LDHC: variants seen among roughly 807,000 people sequenced by gnomAD.
The protein encoded by LDHC is lactate dehydrogenase C.
LDHC carries 20 observed loss-of-function variants against 30.2 expected under a neutral mutation model. That is an observed-to-expected ratio of 0.66 (90% CI 0.47 to 0.96). The LOEUF is 0.96. Ranked by LOEUF, LDHC falls within the 40% of genes least tolerant of loss-of-function variation. The probability of loss-of-function intolerance (pLI) is 0.00; values close to 1 mark genes in which losing one functional copy is unlikely to be tolerated. For synonymous variants in LDHC, 139 were observed against 132.7 expected (o/e 1.05, Z -0.32); for missense variants, 362 against 394.9 (o/e 0.92, Z 0.71).
At chr11:18,420,131 A>G (rs549509958) in intron 3 of LDHC, among the ~76,000 whole-genome samples, 77 of 147,586 alleles carry the variant, frequency 5.2e-4, no homozygotes, top group Non-Finnish European at 9.9e-4. Context: ...CTATGGATAC[A>G]ATGATAGATT....
chr11:18,439,822 A>C (rs189070244), intron 6 of LDHC, among the ~76,000 whole-genome samples: 2,271 of 143,202 alleles, frequency 0.016, 60 homozygotes, highest in African/African-American at 0.056. Flanking sequence ...AAAAAAAAAA[A>C]AAAAAAAAAA....
chr11:18,415,045 A>G (rs1866981942), intron 2 of LDHC, 139 bp from the exon 3 acceptor site: 1 of 521,524 alleles, frequency 1.9e-6, no homozygotes, highest in African/African-American at 1.9e-5. Context: ...ACCCAGGCTC[A>G]TTGAAAAACT....
chr11:18,420,267 A>G (rs1867096366), intron 3 of LDHC, among the ~76,000 whole-genome samples: 1 of 152,198 alleles, frequency 6.6e-6, no homozygotes, highest in Admixed American at 6.5e-5. Flanking sequence ...ATGATTCAGC[A>G]TTTTTGAAGA....
intron 7 of LDHC, among the ~76,000 whole-genome samples, chr11:18,447,767 G>A (rs1014240716): frequency 1.3e-5 from 2 of 151,896 alleles, no homozygotes; most frequent in Admixed American, 6.6e-5. Context: ...TTGGAAGAAC[G>A]GGGCAGGTGC....
chr11:18,434,378 G>A (rs550231837), intron 4 of LDHC, among the ~76,000 whole-genome samples: 2 of 152,182 alleles, frequency 1.3e-5, no homozygotes, highest in South Asian at 2.1e-4. Context: ...GGGGGGTGTT[G>A]ACGAGCCTTC....
chr11:18,435,627 A>G (rs1446042406), intron 5 of LDHC, among the ~76,000 whole-genome samples: 1 of 152,186 alleles, frequency 6.6e-6, no homozygotes, highest in African/African-American at 2.4e-5. Context: ...ATGGACTAAT[A>G]CAATTCATGT....
At chr11:18,439,811 TA>T (rs71047596) in intron 6 of LDHC, among the ~76,000 whole-genome samples, 97 of 64,204 alleles carry the variant, frequency 1.5e-3, no homozygotes, top group African/African-American at 3.8e-3. Flanking sequence ...CCGTCTCTAC[TA>T]AAAAAAAAAA....
At chr11:18,416,767 C>T (rs1417617230) in intron 3 of LDHC, among the ~76,000 whole-genome samples, 1 of 150,828 alleles carries the variant, frequency 6.6e-6, no homozygotes, top group East Asian at 1.9e-4. Context: ...CTCCTTTCCT[C>T]CTCTTCCCCT....
chr11:18,439,141 G>T (rs775681105), intron 6 of LDHC, among the ~76,000 whole-genome samples: 2 of 152,150 alleles, frequency 1.3e-5, no homozygotes, highest in Admixed American at 6.5e-5. Context: ...TAATGCAGAT[G>T]ATCAGAAATC....
intron 7 of LDHC, among the ~76,000 whole-genome samples, chr11:18,449,232 T>G (rs1172032356): frequency 6.7e-6 from 1 of 150,010 alleles, no homozygotes; most frequent in Non-Finnish European, 1.5e-5. Context: ...AGAGAGGGAG[T>G]TGGAGACCAA....
Position 18,429,865 on chromosome 11 carries a change from G to T in LDHC, c.373G>T (p.Val125Phe). ...AIMKSIIPAI[V>F]HYSPDCKILV... Reference sequence around the variant, plus strand: ...AATGAAATCAATCATTCCTGCCATAGTCCATTATAGTCCTGATTGTAAAAT... The same window carrying T: ...AATGAAATCAATCATTCCTGCCATATTCCATTATAGTCCTGATTGTAAAAT... Residue 125 changes from valine (V) to phenylalanine (F), a missense_variant, in exon 4 of 8, where the codon GTC becomes TTC. Val to Phe is a conservative substitution (Grantham distance 50). Transcript: ENST00000541669. The T allele has an allele frequency of 6.2e-7, 1 of 1,611,758 alleles. No individual in the cohort carries two copies. The highest frequency in any genetic ancestry group is 8.5e-7 in the Non-Finnish European group (1 of 1,178,278).
chr11:18,445,433 G>A (rs1326536033), intron 6 of LDHC, among the ~76,000 whole-genome samples: 2 of 152,180 alleles, frequency 1.3e-5, no homozygotes, highest in South Asian at 2.1e-4. Flanking sequence ...TTCTGACCTC[G>A]TGATCCACCC....
intron 7 of LDHC, 98 bp from the exon 8 acceptor site, chr11:18,450,865 T>C (rs1180392690): frequency 3.6e-6 from 3 of 844,490 alleles, no homozygotes; most frequent in South Asian, 3.6e-5. Context: ...TCTTGTTGAA[T>C]GCTTTAGTCT....
rs78807277 is a variant in LDHC at position 18,442,489 on chromosome 11, A to C, written c.711-3721A>C. On this transcript the variant is annotated intron_variant, in intron 6 of 7. Coordinates refer to ENST00000541669, the MANE Select transcript of LDHC (RefSeq NM_017448.5). Reference sequence around the variant, plus strand: ...GAAAAGACAAGTTAGTACATCTACAACCACTAGACTCTATAAGACACAGTA... The same window carrying C: ...GAAAAGACAAGTTAGTACATCTACACCCACTAGACTCTATAAGACACAGTA... Among the ~76,000 whole-genome samples the C allele has an allele frequency of 3.9e-3, 600 of 152,262 alleles. 8 individuals are homozygous for C. Among genetic ancestry groups the C allele is most frequent in the African/African-American group, 0.014 (578 of 41,554 alleles).
intron 4 of LDHC, among the ~76,000 whole-genome samples, chr11:18,432,999 T>C (rs1848295523): frequency 6.6e-6 from 1 of 152,240 alleles, no homozygotes; most frequent in South Asian, 2.1e-4. Context: ...TCATGCTTTT[T>C]GTTGCCTGTG....
At position 18,451,133 on chromosome 11, in the gene LDHC, A is replaced by T; in HGVS notation, c.*6A>T. The T allele has an allele frequency of 6.7e-7, 1 of 1,482,014 alleles. No homozygotes were observed. Among genetic ancestry groups the T allele is most frequent in the Non-Finnish European group, 9.0e-7 (1 of 1,115,946 alleles). 91.8% of individuals were successfully genotyped at this position (1,482,014 alleles called of 1,614,324 possible). On this transcript the variant is annotated 3_prime_UTR_variant, in exon 8 of 8. Coordinates refer to ENST00000541669, the MANE Select transcript of LDHC (RefSeq NM_017448.5). ...AAAAGGATCTAATATTTTAAATTAA[A>T]GCCTTCTAATGTTCCACTGTTTGGA...
chr11:18,430,033 A>C, intron 4 of LDHC, 123 bp downstream of exon 4: 4 of 561,558 alleles, frequency 7.1e-6, no homozygotes, highest in Non-Finnish European at 1.2e-5. Flanking sequence ...AAAGTATATA[A>C]CGCGATGAGT....
Position 18,451,494 on chromosome 11 carries a change from C to T in LDHC, c.*367C>T, listed in dbSNP as rs1848655270. 6.5e-6 allele frequency: 1 copy of T among 154,538 alleles called. No homozygotes were observed. The highest frequency in any genetic ancestry group is 1.4e-5 in the Non-Finnish European group (1 of 69,820). The allele number at this position is 154,538 out of a possible 1,614,324, so 9.6% of individuals were successfully genotyped here. ...GTATTACAATTTTATCTTGTACTTT[C>T]ATCCGTTAGAGTACCAGCATATTCA... On this transcript the variant is annotated 3_prime_UTR_variant, in exon 8 of 8. Transcript: ENST00000541669.
rs1321094093 is a variant in LDHC at position 18,436,785 on chromosome 11, C to T, written c.593-1743C>T. Reference sequence around the variant, plus strand: ...ATAGGCATGAGCCACTGCACCCGGCCGGGATAATACAAAGATCTTAGAATG... The same window carrying T: ...ATAGGCATGAGCCACTGCACCCGGCTGGGATAATACAAAGATCTTAGAATG... On this transcript the variant is annotated intron_variant, in intron 5 of 7. Coordinates refer to ENST00000541669, the MANE Select transcript of LDHC (RefSeq NM_017448.5). Among the ~76,000 whole-genome samples, 2 of 152,028 alleles carry T rather than the reference C, an allele frequency of 1.3e-5. 1 individual carries two copies. Among genetic ancestry groups the T allele is most frequent in the East Asian group, 3.9e-4 (2 of 5,190 alleles).
Sources: gnomAD v4.1 joint callset for allele counts (sites outside exome capture counted in the v4.1 genomes callset) on GRCh38, gnomAD v4.1.1 for gene constraint, MANE v1.5 for transcripts, NCBI Gene and HGNC (gene_info 2026-07-23, HGNC 2026-07-21) for gene names.